ST3GAL2: variants seen among roughly 807,000 people sequenced by gnomAD.
ST3GAL2 encodes ST3 beta-galactoside alpha-2,3-sialyltransferase 2, also known as CMP-N-acetylneuraminate-beta-galactosamide-alpha-2,3-sialyltransferase 2.
ST3GAL2 carries 16 observed loss-of-function variants against 37.5 expected under a neutral mutation model. The observed-to-expected ratio is 0.43, with a 90% CI of 0.29 to 0.65. The LOEUF (loss-of-function observed/expected upper bound fraction) is 0.65, where lower values mean the gene tolerates loss of function less well. Ranked by LOEUF, ST3GAL2 falls within the 30% of genes least tolerant of loss-of-function variation. The pLI, the probability that ST3GAL2 is intolerant of heterozygous loss-of-function variation, is 0.17. For missense variants in ST3GAL2, 383 were observed against 487.8 expected (o/e 0.79, Z 2.02); for synonymous variants, 238 against 202.9 (o/e 1.17, Z -1.47).
chr16:70,430,102 G>T (rs957171361), intron 1 of ST3GAL2, among the ~76,000 whole-genome samples: 1 of 152,154 alleles, frequency 6.6e-6, no homozygotes, highest in Non-Finnish European at 1.5e-5. Flanking sequence ...GATGCTCCTG[G>T]GCCCTCGGCC....
In ST3GAL2 at chr16:70,416,101, G is replaced by A. The variant is rs192092356; in HGVS notation, c.-1003-16568C>T. On this transcript the variant is annotated intron_variant, in intron 1 of 6. Transcript: ENST00000342907. ...TCCAAGATTCTTTAACAATCAAAAG[G>A]AAGCAATCCTACCTCCACTCTCTTC... 3.1e-3 allele frequency among the ~76,000 whole-genome samples: 475 copies of A among 151,966 alleles called. 1 individual carries two copies. The highest frequency in any genetic ancestry group is 0.01 in the African/African-American group (432 of 41,434).
At position 70,376,506 on chromosome 16, in the gene ST3GAL2, A is replaced by T. The variant is rs1005026495; in HGVS notation, c.*5183T>A. ...TCCTCAAGCCTCACAGAGGCGGGAG[A>T]GGGGGACCTCCTCTTGGATTTTGTG... On this transcript the variant is annotated 3_prime_UTR_variant, in exon 7 of 7. Transcript: ENST00000342907. 6.6e-6 allele frequency: 1 copy of T among 152,058 alleles called. No homozygotes were observed. The highest frequency in any genetic ancestry group is 1.5e-5 in the Non-Finnish European group (1 of 68,014). The allele number at this position is 152,058 out of a possible 1,614,324, so 9.4% of individuals were successfully genotyped here. A position where few individuals can be genotyped will look rare whatever the true frequency, so the allele number is the denominator to read the frequency against.
intron 1 of ST3GAL2, among the ~76,000 whole-genome samples, chr16:70,426,076 G>A (rs1246281052): frequency 1.3e-5 from 2 of 151,608 alleles, no homozygotes; most frequent in Non-Finnish European, 2.9e-5. Flanking sequence ...TGAACCAGCT[G>A]AAGTCCTCAG....
intron 1 of ST3GAL2, among the ~76,000 whole-genome samples, chr16:70,432,735 C>T (rs1284006993): frequency 6.6e-6 from 1 of 152,200 alleles, no homozygotes; most frequent in African/African-American, 2.4e-5. Context: ...TTAACAAGCA[C>T]TCTGAGCAGA....
At chr16:70,411,034 T>A (rs1214730832) in intron 1 of ST3GAL2, among the ~76,000 whole-genome samples, 1 of 152,118 alleles carries the variant, frequency 6.6e-6, no homozygotes, top group East Asian at 1.9e-4. Flanking sequence ...ATGGACCAGC[T>A]CAGGTCAATG....
intron 3 of ST3GAL2, among the ~76,000 whole-genome samples, chr16:70,389,348 G>C (rs1337704028): frequency 2.6e-5 from 4 of 151,234 alleles, no homozygotes; most frequent in African/African-American, 4.9e-5. Context: ...CTGTCACCCA[G>C]GCTGGAGTGC....
chr16:70,429,091 AGC>A (rs1159157795), intron 1 of ST3GAL2, among the ~76,000 whole-genome samples: 15 of 152,214 alleles, frequency 9.9e-5, no homozygotes, highest in Admixed American at 5.2e-4. Context: ...AACTGAGCAC[AGC>A]CCCCTCAGCT....
chr16:70,417,295 C>A (rs2047682714), intron 1 of ST3GAL2, among the ~76,000 whole-genome samples: 1 of 151,592 alleles, frequency 6.6e-6, no homozygotes, highest in Admixed American at 6.6e-5. Context: ...AGCGCCCCAG[C>A]CCCACCCCAC....
At chr16:70,406,823 AT>A (rs1447853446) in intron 1 of ST3GAL2, among the ~76,000 whole-genome samples, 3 of 152,008 alleles carry the variant, frequency 2.0e-5, no homozygotes, top group African/African-American at 7.2e-5. Flanking sequence ...GGAATGTGGA[AT>A]GGGATTCAGC....
chr16:70,383,697 A>G (rs1403137510), intron 4 of ST3GAL2, among the ~76,000 whole-genome samples: 1 of 151,854 alleles, frequency 6.6e-6, no homozygotes, highest in Non-Finnish European at 1.5e-5. Context: ...AGGTGGCCCC[A>G]TGGGACCTAG....
At chr16:70,430,989 C>A (rs2047785946) in intron 1 of ST3GAL2, among the ~76,000 whole-genome samples, 1 of 151,942 alleles carries the variant, frequency 6.6e-6, no homozygotes, top group South Asian at 2.1e-4. Context: ...TGGGTAGGAA[C>A]AAAGGTTGGG....
chr16:70,398,508 C>G lies in ST3GAL2; in HGVS notation c.23G>C (p.Trp8Ser). The change falls in exon 2 of 7, where the codon TGG (tryptophan) becomes TCG (serine). Residue 8 changes from tryptophan (W) to serine (S), a missense_variant. Around this residue, in one of 2 missense-constraint regions of ST3GAL2, gnomAD observed 223 missense variants for 239.1 expected, o/e 0.93. Transcript: ENST00000342907. ...CAGCAGGAAGGCCACGGAGAGGAAC[C>G]ACACCCGCAGGGAGCACTTCATGGT... MKCSLRV[W>S]FLSVAFLLVF... 6.2e-7 allele frequency: 1 copy of G among 1,610,478 alleles called. No individual in the cohort carries two copies. Among genetic ancestry groups the G allele is most frequent in the Non-Finnish European group, 8.5e-7 (1 of 1,178,972 alleles).
At chr16:70,420,333 C>G (rs1471630994) in intron 1 of ST3GAL2, among the ~76,000 whole-genome samples, 3 of 151,180 alleles carry the variant, frequency 2.0e-5, no homozygotes, top group Non-Finnish European at 2.9e-5. Flanking sequence ...CAAGGCTGCA[C>G]TCCTAAAAGG....
At chr16:70,409,805 A>ATT (rs980660367) in intron 1 of ST3GAL2, among the ~76,000 whole-genome samples, 316 of 129,026 alleles carry the variant, frequency 2.4e-3, no homozygotes, top group African/African-American at 5.0e-3. Flanking sequence ...ACCTGGCTAA[A>ATT]TTTTTTTTTT....
intron 1 of ST3GAL2, among the ~76,000 whole-genome samples, chr16:70,414,251 G>C (rs750916804): frequency 1.3e-5 from 2 of 152,152 alleles, no homozygotes; most frequent in Non-Finnish European, 2.9e-5. Flanking sequence ...AACACAATGA[G>C]GGCAGGAGAC....
chr16:70,377,176 CT>C lies in ST3GAL2; in HGVS notation c.*4512del, dbSNP rs1293770530. The C allele has an allele frequency of 5.8e-5, 6 of 103,064 alleles. No homozygotes were observed. The highest frequency in any genetic ancestry group is 2.5e-4 in the African/African-American group (5 of 19,624). The allele number at this position is 103,064 out of a possible 1,614,324, so 6.4% of individuals were successfully genotyped here. A position where few individuals can be genotyped will look rare whatever the true frequency, so the allele number is the denominator to read the frequency against. On this transcript the variant is annotated 3_prime_UTR_variant, in exon 7 of 7. Transcript: ENST00000342907. ...GTCTGGGCGACAGGAGACCCTGTCT[CT>C]TAAAAAAAAAAAAAAAAAAAAAAAA...
Position 70,381,456 on chromosome 16 carries a change from C to A in ST3GAL2, c.*233G>T, listed in dbSNP as rs1389019060. ...GCCATTGATTGGAGGAGACTGGACA[C>A]AGCGCCGGAAGTTTTCCTTGAGTCA... On this transcript the variant is annotated 3_prime_UTR_variant, in exon 7 of 7. Coordinates refer to ENST00000342907, the MANE Select transcript of ST3GAL2 (RefSeq NM_006927.4). The A allele has an allele frequency of 1.7e-6, 1 of 572,850 alleles. No individual in the cohort carries two copies. The highest frequency in any genetic ancestry group is 3.1e-6 in the Non-Finnish European group (1 of 324,790). The allele number at this position is 572,850 out of a possible 1,614,324, so 35.5% of individuals were successfully genotyped here.
At chr16:70,417,360 C>A (rs2047683261) in intron 1 of ST3GAL2, among the ~76,000 whole-genome samples, 1 of 151,976 alleles carries the variant, frequency 6.6e-6, no homozygotes, top group African/African-American at 2.4e-5. Flanking sequence ...CCACTCCCAG[C>A]AGGCACCGGC....
intron 2 of ST3GAL2, among the ~76,000 whole-genome samples, chr16:70,396,764 C>T (rs2151662984): frequency 6.6e-6 from 1 of 152,284 alleles, no homozygotes; most frequent in East Asian, 1.9e-4. Context: ...TGCAGGGACT[C>T]AGTGCTGACA....
Sources: allele counts gnomAD v4.1 joint callset (sites outside exome capture counted in the v4.1 genomes callset), GRCh38; gene constraint gnomAD v4.1.1; regional missense constraint gnomAD v4.1.1; transcripts MANE v1.5; gene names NCBI Gene and HGNC (gene_info 2026-07-23, HGNC 2026-07-21).